FBXO42: variants seen among roughly 807,000 people sequenced by gnomAD.
FBXO42 encodes the protein F-box only protein 42.
FBXO42 carries 12 observed loss-of-function variants against 71.7 expected under a neutral mutation model. That is an observed-to-expected ratio of 0.17 (90% CI 0.11 to 0.27). The LOEUF (loss-of-function observed/expected upper bound fraction) is 0.27. Among genes scored for constraint, FBXO42 ranks in the 10% least tolerant of loss-of-function variants. FBXO42 has a pLI of 1.00. For synonymous variants in FBXO42, 325 were observed against 327.5 expected, an observed-to-expected ratio of 0.99 and a Z score of 0.08; for missense variants, 707 against 911.9, an observed-to-expected ratio of 0.78 and a Z score of 2.89.
intron 4 of FBXO42, among the ~76,000 whole-genome samples, chr1:16,287,041 C>T (rs1014981404): frequency 1.7e-4 from 26 of 152,212 alleles, no homozygotes; most frequent in African/African-American, 5.3e-4. Flanking sequence ...ACCTACACAA[C>T]TAGCCATTCT....
chr1:16,281,459 T>C (rs2081962292), intron 4 of FBXO42, among the ~76,000 whole-genome samples: 1 of 150,806 alleles, frequency 6.6e-6, no homozygotes, highest in Admixed American at 6.6e-5. Context: ...ATTTCTTTTC[T>C]TTTTCTTTTT....
chr1:16,330,432 A>C (rs1236382396), intron 1 of FBXO42, among the ~76,000 whole-genome samples: 1 of 152,008 alleles, frequency 6.6e-6, no homozygotes, highest in Non-Finnish European at 1.5e-5. Context: ...GCTTGAGCCC[A>C]AGAGGTGGAG....
chr1:16,326,656 C>G (rs896482613), intron 1 of FBXO42, among the ~76,000 whole-genome samples: 8 of 147,926 alleles, frequency 5.4e-5, no homozygotes, highest in Non-Finnish European at 8.9e-5. Flanking sequence ...TGTATTGCAA[C>G]CTGGGCAACA....
At chr1:16,331,470 A>G (rs2082500003) in intron 1 of FBXO42, among the ~76,000 whole-genome samples, 1 of 149,568 alleles carries the variant, frequency 6.7e-6, no homozygotes, top group Admixed American at 6.7e-5. Flanking sequence ...AAAAGTAAAA[A>G]CCGGCTTGGT....
chr1:16,311,302 C>T (rs1457277691), intron 2 of FBXO42, among the ~76,000 whole-genome samples: 1 of 149,774 alleles, frequency 6.7e-6, no homozygotes, highest in East Asian at 1.9e-4. Flanking sequence ...CACAGTGAGA[C>T]CCCATCTCTA....
At chr1:16,345,407 A>G (rs1306345193) in intron 1 of FBXO42, among the ~76,000 whole-genome samples, 2 of 151,986 alleles carry the variant, frequency 1.3e-5, no homozygotes, top group Non-Finnish European at 2.9e-5. Flanking sequence ...TGGGTGATGG[A>G]GCGAGACTCT....
intron 1 of FBXO42, among the ~76,000 whole-genome samples, chr1:16,343,389 C>A (rs2082624884): frequency 6.6e-6 from 1 of 151,674 alleles, no homozygotes; most frequent in Non-Finnish European, 1.5e-5. Context: ...ACAAAAAACA[C>A]AAAAAAATTA....
chr1:16,256,765 G>A lies in FBXO42; in HGVS notation c.503-6C>T, dbSNP rs2081650234. The A allele has an allele frequency of 6.2e-7, 1 of 1,613,728 alleles. No individual in the cohort carries two copies. On this transcript the variant is annotated splice_region_variant and splice_polypyrimidine_tract_variant and intron_variant, in intron 4 of 9. Transcript: ENST00000375592. ...TTTGGGGGAAGGATAGGACCCTAGGGAAAGTCAGTAACACCATGGTTAGCA... is the reference window on the plus strand; with the variant it reads ...TTTGGGGGAAGGATAGGACCCTAGGAAAAGTCAGTAACACCATGGTTAGCA...
chr1:16,275,876 C>T (rs756252425), intron 4 of FBXO42, among the ~76,000 whole-genome samples: 11 of 151,842 alleles, frequency 7.2e-5, no homozygotes, highest in Non-Finnish European at 1.3e-4. Flanking sequence ...GGTGGTGGTA[C>T]GTGCTTGTAA....
In FBXO42 at chr1:16,338,804, C is replaced by CTTTTTTTTTTTTTT. The variant is rs71574177; in HGVS notation, c.-18+13437_-18+13450dup. Among the ~76,000 whole-genome samples the CTTTTTTTTTTTTTT allele has an allele frequency of 9.9e-5, 8 of 80,960 alleles. 1 individual carries two copies. The highest frequency in any genetic ancestry group is 1.9e-4 in the Admixed American group (1 of 5,404). The allele number at this position is 80,960 out of a possible 152,430, so 53.1% of individuals were successfully genotyped here. On this transcript the variant is annotated intron_variant, in intron 1 of 9. Transcript: ENST00000375592. ...AATGGAACATTTTATTTCCATTTGT[C>CTTTTTTTTTTTTTT]TTTTTTTTTTTTTTTTTTTTTTTTG... is the stretch of plus-strand genomic sequence containing the variant.
intron 1 of FBXO42, among the ~76,000 whole-genome samples, chr1:16,331,350 G>A (rs993621755): frequency 6.6e-6 from 1 of 151,972 alleles, no homozygotes; most frequent in Admixed American, 6.6e-5. Context: ...GGGAGGCAGA[G>A]CTTGCAGTGA....
intron 6 of FBXO42, among the ~76,000 whole-genome samples, chr1:16,255,084 A>G (rs1414927412): frequency 6.6e-6 from 1 of 152,214 alleles, no homozygotes; most frequent in African/African-American, 2.4e-5. Context: ...ATAAAGTAGA[A>G]TAAGTAAAAG....
In FBXO42 at chr1:16,250,577, G is replaced by A; in HGVS notation, c.*93C>T. Reference sequence around the variant, plus strand: ...AATTAAAGAGTTTTGGCTTCTGGGAGTAATTTTGTTTTCCCAATTCTCAGT... The same window carrying A: ...AATTAAAGAGTTTTGGCTTCTGGGAATAATTTTGTTTTCCCAATTCTCAGT... On this transcript the variant is annotated 3_prime_UTR_variant, in exon 10 of 10. Coordinates refer to ENST00000375592, the MANE Select transcript of FBXO42 (RefSeq NM_018994.3). The surrounding 1 kb of genome is among the most constrained non-coding windows in gnomAD (Gnocchi z 4.7). 3 of 1,442,138 alleles carry A rather than the reference G, an allele frequency of 2.1e-6. No individual in the cohort carries two copies. The highest frequency in any genetic ancestry group is 2.8e-6 in the Non-Finnish European group (3 of 1,073,772). 89.3% of individuals were successfully genotyped at this position (1,442,138 alleles called of 1,614,324 possible).
chr1:16,312,611 C>A (rs190583374), intron 2 of FBXO42, among the ~76,000 whole-genome samples: 48 of 152,074 alleles, frequency 3.2e-4, no homozygotes, highest in African/African-American at 1.2e-3. Context: ...TACATTCATC[C>A]AAACCCATAG....
rs1307208072 is a variant in FBXO42 at position 16,251,161 on chromosome 1, C to G, written c.1663G>C (p.Ala555Pro). Residue 555 changes from alanine to proline, a missense_variant, in exon 10 of 10, where the codon GCC becomes CCC. Ala to Pro is a conservative substitution (Grantham distance 27). Coordinates refer to ENST00000375592, the MANE Select transcript of FBXO42 (RefSeq NM_018994.3). This position sits in a 1 kb window ranked among gnomAD's most constrained non-coding sequence, Gnocchi z 4.5. ...ATGGCTTCCAGACTCCGACGCAGGG[C>G]ACCTGGGGAGACGGCCCCTGCAAGG... is the stretch of plus-strand genomic sequence containing the variant. Reference protein sequence around the residue: ...SALAGAVSPGALRRSLEAIKA... With the variant: ...SALAGAVSPGPLRRSLEAIKA... 1.9e-6 allele frequency: 3 copies of G among 1,614,040 alleles called. No homozygotes were observed. The African/African-American group carries it at 4.0e-5, about 22-fold the overall frequency.
intron 4 of FBXO42, among the ~76,000 whole-genome samples, chr1:16,276,323 T>A (rs1438902172): frequency 1.4e-5 from 2 of 141,654 alleles, no homozygotes; most frequent in Non-Finnish European, 3.0e-5. Flanking sequence ...GAGCTTGCAG[T>A]AAGCCGAGAT....
chr1:16,337,782 G>A (rs925943966), intron 1 of FBXO42, among the ~76,000 whole-genome samples: 5 of 148,430 alleles, frequency 3.4e-5, no homozygotes, highest in African/African-American at 7.4e-5. Flanking sequence ...TACTCGGGAG[G>A]CTGAGGCAGA....
intron 1 of FBXO42, among the ~76,000 whole-genome samples, chr1:16,328,155 G>A (rs2082466079): frequency 6.6e-6 from 1 of 152,114 alleles, no homozygotes; most frequent in African/African-American, 2.4e-5. Context: ...ATCAAAGAGT[G>A]AAATTTAATA....
intron 1 of FBXO42, among the ~76,000 whole-genome samples, chr1:16,350,323 T>C (rs2082687138): frequency 6.6e-6 from 1 of 152,112 alleles, no homozygotes; most frequent in South Asian, 2.1e-4. Context: ...CATGACTCTT[T>C]ATTAGCAAAT....
Sources: allele counts gnomAD v4.1 joint callset (sites outside exome capture counted in the v4.1 genomes callset), GRCh38; gene constraint gnomAD v4.1.1; non-coding constraint Gnocchi (gnomAD v3.1); transcripts MANE v1.5; gene names NCBI Gene and HGNC (gene_info 2026-07-23, HGNC 2026-07-21).